The following SCUBE3 variants were observed in gnomAD, a reference collection of about 807,000 sequenced individuals.
SCUBE3 encodes signal peptide, CUB and EGF-like domain-containing protein 3.
In SCUBE3, 33 loss-of-function variants were observed where a neutral mutation model predicts 116.8. The ratio of observed to expected loss-of-function variants is 0.28; its 90% confidence interval spans 0.21 to 0.38. The LOEUF (loss-of-function observed/expected upper bound fraction) is 0.38. Ranked by LOEUF, SCUBE3 falls within the 10% of genes least tolerant of loss-of-function variation. The pLI is 1.00. For missense variants in SCUBE3, 1,007 were observed against 1,324.8 expected (o/e 0.76, Z 3.72); for synonymous variants, 418 against 496.9 (o/e 0.84, Z 2.11).
Position 35,241,467 on chromosome 6 carries a change from G to A in SCUBE3, c.1196-76G>A. On this transcript the variant is annotated intron_variant, in intron 10 of 21. Coordinates refer to ENST00000274938, the MANE Select transcript of SCUBE3 (RefSeq NM_152753.4). The surrounding 1 kb of genome is among the most constrained non-coding windows in gnomAD (Gnocchi z 4.1). ...CATGGGTACAACAATAGTTATGCAA[G>A]TAGCTGATTCCTCCAAATTACCCAA... The A allele has an allele frequency of 8.5e-7, 1 of 1,176,582 alleles. No homozygotes were observed. The allele number at this position is 1,176,582 out of a possible 1,614,324, so 72.9% of individuals were successfully genotyped here.
intron 21 of SCUBE3, among the ~76,000 whole-genome samples, chr6:35,247,364 G>C (rs553733924): frequency 6.6e-6 from 1 of 150,450 alleles, no homozygotes; most frequent in Admixed American, 6.7e-5. Context: ...CTTGGACCGG[G>C]GAGGCAGAGG....
At chr6:35,230,698 T>C (rs186117046) in intron 3 of SCUBE3, among the ~76,000 whole-genome samples, 58 of 152,322 alleles carry the variant, frequency 3.8e-4, no homozygotes, top group Middle Eastern at 3.4e-3. Context: ...CAGGTGCATC[T>C]CTTGGGCAAG....
At chr6:35,227,495 G>T (rs1783375312) in intron 1 of SCUBE3, 85 bp from the exon 2 acceptor site, 2 of 1,443,112 alleles carry the variant, frequency 1.4e-6, no homozygotes. Flanking sequence ...GAGAAGAGGG[G>T]ATTCTGCCCT....
rs1279075178 is a variant in SCUBE3 at position 35,228,958 on chromosome 6, G to A, written c.334+219G>A. ...AAAGCTGCTACGAAATGCTCCTAGG[G>A]CAAGGGCCAGGAGATGGGAATAGTG... On this transcript the variant is annotated intron_variant, in intron 3 of 21. Coordinates refer to ENST00000274938, the MANE Select transcript of SCUBE3 (RefSeq NM_152753.4). This position sits in a 1 kb window ranked among gnomAD's most constrained non-coding sequence, Gnocchi z 4.9. Among the ~76,000 whole-genome samples, 4 of 152,190 alleles carry A rather than the reference G, an allele frequency of 2.6e-5. No individual in the cohort carries two copies. The highest frequency in any genetic ancestry group is 4.8e-5 in the African/African-American group (2 of 41,434).
At chr6:35,217,580 C>T (rs1782973014) in intron 1 of SCUBE3, among the ~76,000 whole-genome samples, 1 of 151,920 alleles carries the variant, frequency 6.6e-6, no homozygotes, top group Non-Finnish European at 1.5e-5. Context: ...TTTCTCCCAC[C>T]CTTCTCTTCC....
At position 35,252,068 on chromosome 6, in the gene SCUBE3, G is replaced by A. The variant is rs369268968; in HGVS notation, c.*3363G>A. The A allele has an allele frequency of 6.6e-6, 1 of 152,298 alleles. No homozygotes were observed. The highest frequency in any genetic ancestry group is 1.9e-4 in the East Asian group (1 of 5,206). The allele number at this position is 152,298 out of a possible 1,614,324, so 9.4% of individuals were successfully genotyped here. A position where few individuals can be genotyped will look rare whatever the true frequency, so the allele number is the denominator to read the frequency against. ...TCACCTGCTCTGAGCCTGGAAATGG[G>A]AGGGCTTCACGCACCAAGTAATGCA... On this transcript the variant is annotated 3_prime_UTR_variant, in exon 22 of 22. Transcript: ENST00000274938.
intron 1 of SCUBE3, chr6:35,218,033 G>A (rs1469025793): frequency 4.2e-6 from 2 of 478,548 alleles, no homozygotes; most frequent in African/African-American, 2.1e-5. Context: ...AGAGAAAGGG[G>A]ACTAGAAGAC....
At chr6:35,246,920 A>C (rs1053648044) in intron 21 of SCUBE3, among the ~76,000 whole-genome samples, 11 of 152,076 alleles carry the variant, frequency 7.2e-5, no homozygotes, top group Admixed American at 3.9e-4. Context: ...CGCAGGTTGC[A>C]GTGAGCCGAG....
chr6:35,229,520 A>G (rs556452271), intron 3 of SCUBE3, among the ~76,000 whole-genome samples: 1 of 152,316 alleles, frequency 6.6e-6, no homozygotes, highest in African/African-American at 2.4e-5. Flanking sequence ...GTAGGAGCTC[A>G]GTAATGGGAA....
chr6:35,248,533 T>C lies in SCUBE3; in HGVS notation c.2833-23T>C, dbSNP rs775143211. On this transcript the variant is annotated intron_variant, in intron 21 of 21. Transcript: ENST00000274938. ...CCCACCCCCGACGGTGAGGCTGACA[T>C]TGCTCCCTGCCATCCTTTGCAGGAC... 9 of 1,613,338 alleles carry C rather than the reference T, an allele frequency of 5.6e-6. No homozygotes were observed. The East Asian group carries it at 2.0e-4, about 36-fold the overall frequency.
chr6:35,245,393 A>C lies in SCUBE3; in HGVS notation c.2567A>C (p.Glu856Ala). ...VPEIFLPSEDECGDVLVMRKN... is the reference protein window; with the variant it reads ...VPEIFLPSEDACGDVLVMRKN... Reference sequence around the variant, plus strand: ...GAGATCTTCCTGCCATCTGAGGATGAGTGTGGGGACGTCCTCGTCATGAGA... The same window carrying C: ...GAGATCTTCCTGCCATCTGAGGATGCGTGTGGGGACGTCCTCGTCATGAGA... The change falls in exon 19 of 22, where the codon GAG becomes GCG. Residue 856 changes from glutamate to alanine, a missense_variant. By Grantham distance (107) the Glu-to-Ala change is moderately radical. This residue lies in a region of SCUBE3 where 118 missense variants were observed against 196.6 expected (regional missense o/e 0.60). Coordinates refer to ENST00000274938, the MANE Select transcript of SCUBE3 (RefSeq NM_152753.4). The surrounding 1 kb of genome is among the most constrained non-coding windows in gnomAD (Gnocchi z 4.2). The C allele has an allele frequency of 6.2e-7, 1 of 1,614,140 alleles. No individual in the cohort carries two copies. Among genetic ancestry groups the C allele is most frequent in the Admixed American group, 1.7e-5 (1 of 60,020 alleles).
In SCUBE3 at chr6:35,252,358, T is replaced by C. The variant is rs962554834; in HGVS notation, c.*3653T>C. 2 of 152,216 alleles carry C rather than the reference T, an allele frequency of 1.3e-5. No homozygotes were observed. The highest frequency in any genetic ancestry group is 2.9e-5 in the Non-Finnish European group (2 of 68,048). 9.4% of individuals were successfully genotyped at this position (152,216 alleles called of 1,614,324 possible). A position where few individuals can be genotyped will look rare whatever the true frequency, so the allele number is the denominator to read the frequency against. Reference sequence around the variant, plus strand: ...GGAGACTCAGATTTGTTGCTGAAAGTTCAGTAACACAGTCCTGGTCTTTGG... The same window carrying C: ...GGAGACTCAGATTTGTTGCTGAAAGCTCAGTAACACAGTCCTGGTCTTTGG... On this transcript the variant is annotated 3_prime_UTR_variant, in exon 22 of 22. Coordinates refer to ENST00000274938, the MANE Select transcript of SCUBE3 (RefSeq NM_152753.4).
At chr6:35,237,601 A>C (rs1486479377) in intron 6 of SCUBE3, among the ~76,000 whole-genome samples, 5 of 135,096 alleles carry the variant, frequency 3.7e-5, no homozygotes, top group Admixed American at 7.2e-5. Context: ...CACCTCCTCC[A>C]CCCCCTCGGC....
chr6:35,240,591 C>T lies in SCUBE3; in HGVS notation c.1069+101C>T. 1 of 601,894 alleles carries T rather than the reference C, an allele frequency of 1.7e-6. No homozygotes were observed. The allele number at this position is 601,894 out of a possible 1,614,324, so 37.3% of individuals were successfully genotyped here. ...GTTGGCTTGTGGCTATGGGCAATCC[C>T]TGGATGCATGCACCATGTCTGCATC... is the stretch of plus-strand genomic sequence containing the variant. On this transcript the variant is annotated intron_variant, in intron 9 of 21. Coordinates refer to ENST00000274938, the MANE Select transcript of SCUBE3 (RefSeq NM_152753.4). This position sits in a 1 kb window ranked among gnomAD's most constrained non-coding sequence, Gnocchi z 4.6.
rs886148158 is a variant in SCUBE3, at chr6:35,251,871, G to A, written c.*3166G>A. 1 of 152,184 alleles carries A rather than the reference G, an allele frequency of 6.6e-6. No homozygotes were observed. Among genetic ancestry groups the A allele is most frequent in the African/African-American group, 2.4e-5 (1 of 41,436 alleles). 9.4% of individuals were successfully genotyped at this position (152,184 alleles called of 1,614,324 possible). A position where few individuals can be genotyped will look rare whatever the true frequency, so the allele number is the denominator to read the frequency against. On this transcript the variant is annotated 3_prime_UTR_variant, in exon 22 of 22. Coordinates refer to ENST00000274938, the MANE Select transcript of SCUBE3 (RefSeq NM_152753.4). ...GATTGAATGAGGAGTCAACGCTCAG[G>A]GACATTCTAGGTCTTTACAGGTCAG...
intron 1 of SCUBE3, among the ~76,000 whole-genome samples, chr6:35,215,302 C>CA (rs2150277668): frequency 6.6e-6 from 1 of 152,192 alleles, no homozygotes; most frequent in South Asian, 2.1e-4. Context: ...GGAGGCCTCC[C>CA]GCCCCCGTCC....
chr6:35,220,570 C>G (rs1783085056), intron 1 of SCUBE3: 1 of 152,120 alleles, frequency 6.6e-6, no homozygotes, highest in African/African-American at 2.4e-5. Flanking sequence ...GGAGAAAATT[C>G]TTGTCCAATT....
At chr6:35,234,035 C>A (rs2150300720) in intron 6 of SCUBE3, among the ~76,000 whole-genome samples, 1 of 152,290 alleles carries the variant, frequency 6.6e-6, no homozygotes, top group East Asian at 1.9e-4. Context: ...TTCCTGAATT[C>A]TTAGGCCTTA....
chr6:35,230,559 C>A (rs1203692719), intron 3 of SCUBE3, among the ~76,000 whole-genome samples: 1 of 152,044 alleles, frequency 6.6e-6, no homozygotes, highest in Non-Finnish European at 1.5e-5. Context: ...AGTAAGGGAG[C>A]AGACAGAAGG....
Sources: gnomAD v4.1 joint callset for allele counts (sites outside exome capture counted in the v4.1 genomes callset) on GRCh38, gnomAD v4.1.1 for gene constraint, gnomAD v4.1.1 regional missense constraint, Gnocchi (gnomAD v3.1) non-coding constraint, MANE v1.5 for transcripts, NCBI Gene and HGNC (gene_info 2026-07-23, HGNC 2026-07-21) for gene names.